Variants in PPM1L observed in about 807,000 individuals in gnomAD.
PPM1L encodes protein phosphatase, Mg2+/Mn2+ dependent 1L, also known as protein phosphatase 1L.
Under a neutral mutation model 31.4 loss-of-function variants are expected in PPM1L, and 13 were observed. The ratio of observed to expected loss-of-function variants is 0.41; its 90% CI spans 0.27 to 0.66. The LOEUF (loss-of-function observed/expected upper bound fraction) is 0.66. PPM1L is among the 30% of genes least tolerant of loss of function. The pLI is 0.29. For synonymous variants in PPM1L, 184 were observed against 175.4 expected (o/e 1.05, Z -0.39); for missense variants, 326 against 453.7 (o/e 0.72, Z 2.56).
chr3:160,828,800 CTA>C (rs55942008), intron 1 of PPM1L, among the ~76,000 whole-genome samples: 5,069 of 152,158 alleles, frequency 0.033, 109 homozygotes, highest in South Asian at 0.051. Flanking sequence ...GGTAGAGCCA[CTA>C]AAAGCTAAAC....
At chr3:160,781,704 G>A (rs1408925688) in intron 1 of PPM1L, among the ~76,000 whole-genome samples, 1 of 152,156 alleles carries the variant, frequency 6.6e-6, no homozygotes, top group Non-Finnish European at 1.5e-5. Flanking sequence ...CCCTGCTTTT[G>A]TCTGCGCATA....
rs1338478963 is a variant in PPM1L, at chr3:161,074,710, T to C, written c.*5553T>C. 6.6e-6 allele frequency: 1 copy of C among 152,198 alleles called. No individual in the cohort carries two copies. The highest frequency in any genetic ancestry group is 2.4e-5 in the African/African-American group (1 of 41,436). 9.4% of individuals were successfully genotyped at this position (152,198 alleles called of 1,614,324 possible). The stretch of plus-strand genomic sequence containing the variant: ...AAACTGTTGAGGCTAGGGTTGATTA[T>C]TGATAATTTTTATGTGTTTAGTAAT... On this transcript the variant is annotated 3_prime_UTR_variant, in exon 4 of 4. Transcript: ENST00000498165.
chr3:160,813,882 A>G (rs1197266717), intron 1 of PPM1L, among the ~76,000 whole-genome samples: 1 of 152,200 alleles, frequency 6.6e-6, no homozygotes, highest in Non-Finnish European at 1.5e-5. Context: ...TACGTTTTAC[A>G]TCTACTTTAT....
At chr3:160,783,617 A>AAAAG (rs1208119183) in intron 1 of PPM1L, among the ~76,000 whole-genome samples, 14 of 151,636 alleles carry the variant, frequency 9.2e-5, no homozygotes, top group East Asian at 3.9e-4. Flanking sequence ...AAAAAAAAGA[A>AAAAG]AAAGAAAGAA....
chr3:160,872,404 C>T (rs1391603782), intron 1 of PPM1L, among the ~76,000 whole-genome samples: 2 of 152,298 alleles, frequency 1.3e-5, no homozygotes, highest in East Asian at 3.9e-4. Context: ...CTGATGCTCT[C>T]AAGCACCTCC....
At chr3:160,897,555 C>T (rs1423943597) in intron 1 of PPM1L, among the ~76,000 whole-genome samples, 1 of 152,242 alleles carries the variant, frequency 6.6e-6, no homozygotes, top group Non-Finnish European at 1.5e-5. Context: ...TAGCTGTATG[C>T]TAGCACTGGC....
At chr3:160,856,165 C>T (rs746602866) in intron 1 of PPM1L, among the ~76,000 whole-genome samples, 7 of 152,024 alleles carry the variant, frequency 4.6e-5, no homozygotes, top group Admixed American at 2.6e-4. Flanking sequence ...AGATTGTGCC[C>T]ACCGAGATTG....
intron 2 of PPM1L, among the ~76,000 whole-genome samples, chr3:161,033,715 G>T (rs192531606): frequency 6.6e-6 from 1 of 152,204 alleles, no homozygotes; most frequent in South Asian, 2.1e-4. Flanking sequence ...AGACTTCAAC[G>T]TAAGACCTAA....
intron 2 of PPM1L, among the ~76,000 whole-genome samples, chr3:160,994,421 G>A (rs1717237778): frequency 6.6e-6 from 1 of 152,142 alleles, no homozygotes; most frequent in Non-Finnish European, 1.5e-5. Flanking sequence ...TTTCCCCAGT[G>A]ATCTTCACCT....
At chr3:160,782,772 AAAAAAGAGTTC>A (rs1415817487) in intron 1 of PPM1L, among the ~76,000 whole-genome samples, 5 of 151,970 alleles carry the variant, frequency 3.3e-5, no homozygotes, top group African/African-American at 1.2e-4. Context: ...TTGTAAAGTA[AAAAAAGAGTTC>A]TTTGTCATCC....
At chr3:160,771,106 A>G (rs1715243704) in intron 1 of PPM1L, among the ~76,000 whole-genome samples, 2 of 152,212 alleles carry the variant, frequency 1.3e-5, no homozygotes. Context: ...ATATGTATGT[A>G]AAATATATTT....
At chr3:160,788,026 A>G (rs921361135) in intron 1 of PPM1L, among the ~76,000 whole-genome samples, 3 of 152,128 alleles carry the variant, frequency 2.0e-5, no homozygotes, top group Admixed American at 1.3e-4. Flanking sequence ...GCCTTGTAAT[A>G]TAGTTTGAAG....
intron 1 of PPM1L, among the ~76,000 whole-genome samples, chr3:160,859,028 A>G (rs534935862): frequency 5.8e-4 from 89 of 152,266 alleles, no homozygotes; most frequent in African/African-American, 2.1e-3. Context: ...GCAACCCAGA[A>G]TGGATGGATC....
In PPM1L at chr3:160,856,244, A is replaced by G. The variant is rs370148892; in HGVS notation, c.399+99537A>G. Among the ~76,000 whole-genome samples the G allele has an allele frequency of 1.4e-4, 22 of 152,218 alleles. No homozygotes were observed. The South Asian group carries it at 4.6e-3, about 32-fold the overall frequency. On this transcript the variant is annotated intron_variant, in intron 1 of 3. Coordinates refer to ENST00000498165, the MANE Select transcript of PPM1L (RefSeq NM_139245.4). ...CTCCTTTGGCAACACCCTCACAGGC[A>G]CACCCAGGAACAATACTTTATATCC...
intron 2 of PPM1L, among the ~76,000 whole-genome samples, chr3:161,026,556 C>T (rs1185284366): frequency 6.6e-6 from 1 of 152,002 alleles, no homozygotes; most frequent in Non-Finnish European, 1.5e-5. Context: ...ATTAGCTGGG[C>T]ACGGTGGTGG....
chr3:160,962,717 A>T (rs537965151), intron 2 of PPM1L, among the ~76,000 whole-genome samples: 1 of 152,024 alleles, frequency 6.6e-6, no homozygotes, highest in Admixed American at 6.6e-5. Flanking sequence ...TTTAGCATGC[A>T]TCTTATTTTC....
chr3:160,949,929 T>C (rs576704607), intron 1 of PPM1L, among the ~76,000 whole-genome samples: 111 of 152,326 alleles, frequency 7.3e-4, no homozygotes, highest in African/African-American at 2.6e-3. Context: ...TGCTACTGAA[T>C]TTGTTCTTTA....
At chr3:160,832,907 G>A (rs1713565490) in intron 1 of PPM1L, among the ~76,000 whole-genome samples, 1 of 151,978 alleles carries the variant, frequency 6.6e-6, no homozygotes, top group Non-Finnish European at 1.5e-5. Flanking sequence ...TTTTCCTAAT[G>A]CTCTCCCTCC....
At chr3:160,856,110 A>C (rs111392819) in intron 1 of PPM1L, among the ~76,000 whole-genome samples, 25 of 152,114 alleles carry the variant, frequency 1.6e-4, no homozygotes, top group African/African-American at 6.0e-4. Context: ...TAGTCTTTCC[A>C]TGTTCCTCTG....
Sources: gnomAD v4.1 joint callset for allele counts (sites outside exome capture counted in the v4.1 genomes callset) on GRCh38, gnomAD v4.1.1 for gene constraint, MANE v1.5 for transcripts, NCBI Gene and HGNC (gene_info 2026-07-23, HGNC 2026-07-21) for gene names.